PID1: variants seen among roughly 807,000 people sequenced by gnomAD.
PID1 encodes the protein phosphotyrosine interaction domain containing 1.
A neutral mutation model predicts 19.1 loss-of-function variants in PID1; 10 were observed. The ratio of observed to expected loss-of-function variants is 0.52; its 90% CI spans 0.32 to 0.89. The LOEUF is 0.89. PID1 is among the 40% of genes least tolerant of loss of function. The pLI is 0.03. For missense variants in PID1, 248 were observed against 285.3 expected, an observed-to-expected ratio of 0.87 and a Z score of 0.94; for synonymous variants, 130 against 116.0, an observed-to-expected ratio of 1.12 and a Z score of -0.78.
chr2:229,177,524 C>G (rs967831181), intron 1 of PID1, among the ~76,000 whole-genome samples: 1 of 152,112 alleles, frequency 6.6e-6, no homozygotes, highest in Non-Finnish European at 1.5e-5. Flanking sequence ...TTTTCTCCCC[C>G]TCCTTATTTG....
chr2:229,227,796 G>A (rs967255807), intron 1 of PID1, among the ~76,000 whole-genome samples: 7 of 152,126 alleles, frequency 4.6e-5, no homozygotes, highest in Non-Finnish European at 8.8e-5. Context: ...GTACTGAACA[G>A]GTACAGACTT....
chr2:229,229,918 G>A (rs1278695750), intron 1 of PID1, among the ~76,000 whole-genome samples: 1 of 152,164 alleles, frequency 6.6e-6, no homozygotes, highest in Admixed American at 6.5e-5. Context: ...TAGAGCAGAT[G>A]TTTTATTCAA....
intron 1 of PID1, among the ~76,000 whole-genome samples, chr2:229,188,673 A>G (rs1324218131): frequency 6.7e-6 from 1 of 149,734 alleles, no homozygotes; most frequent in Non-Finnish European, 1.5e-5. Context: ...CAGGAGGCGG[A>G]GGTTGCAGTG....
chr2:229,255,411 G>A (rs991305656), intron 1 of PID1, among the ~76,000 whole-genome samples: 1 of 152,214 alleles, frequency 6.6e-6, no homozygotes, highest in African/African-American at 2.4e-5. Context: ...TGTCTGCAAA[G>A]TGCTTTTGAG....
chr2:229,183,036 C>A (rs915049867), intron 1 of PID1, among the ~76,000 whole-genome samples: 2 of 152,136 alleles, frequency 1.3e-5, no homozygotes, highest in Non-Finnish European at 2.9e-5. Flanking sequence ...CTCATGGATG[C>A]GACCTTATTT....
At chr2:229,219,438 CAAG>C (rs889971711) in intron 1 of PID1, among the ~76,000 whole-genome samples, 17 of 152,300 alleles carry the variant, frequency 1.1e-4, no homozygotes, top group Admixed American at 7.8e-4. Flanking sequence ...AGAACAGCAG[CAAG>C]AAGGAAACCG....
intron 1 of PID1, among the ~76,000 whole-genome samples, chr2:229,219,437 G>C (rs995189154): frequency 5.3e-5 from 8 of 152,162 alleles, no homozygotes; most frequent in Admixed American, 2.6e-4. Context: ...GAGAACAGCA[G>C]CAAGAAGGAA....
intron 1 of PID1, among the ~76,000 whole-genome samples, chr2:229,159,564 G>A (rs1574678192): frequency 6.6e-6 from 1 of 152,134 alleles, no homozygotes; most frequent in Non-Finnish European, 1.5e-5. Flanking sequence ...CTCCTTTGCA[G>A]TTTTGGACTT....
chr2:229,068,483 T>C (rs959849197), intron 2 of PID1, among the ~76,000 whole-genome samples: 8 of 152,206 alleles, frequency 5.3e-5, no homozygotes, highest in Non-Finnish European at 1.2e-4. Flanking sequence ...AAGCACACTT[T>C]ACAAAAATTG....
intron 1 of PID1, among the ~76,000 whole-genome samples, chr2:229,222,153 C>T (rs1421097740): frequency 3.3e-5 from 5 of 152,192 alleles, no homozygotes; most frequent in Non-Finnish European, 7.3e-5. Flanking sequence ...TGGCATCAAA[C>T]AATTTTCCTT....
intron 2 of PID1, among the ~76,000 whole-genome samples, chr2:229,141,959 T>A (rs1690021601): frequency 6.6e-6 from 1 of 152,090 alleles, no homozygotes; most frequent in Admixed American, 6.6e-5. Flanking sequence ...GGTTTTTATA[T>A]TCTACTAGCT....
intron 2 of PID1, among the ~76,000 whole-genome samples, chr2:229,105,990 A>G (rs533516537): frequency 6.7e-6 from 1 of 150,372 alleles, no homozygotes; most frequent in East Asian, 2.0e-4. Context: ...GAGGCAGGAG[A>G]ATAGAGTGAA....
intron 2 of PID1, among the ~76,000 whole-genome samples, chr2:229,146,541 G>A (rs954794365): frequency 2.0e-5 from 3 of 152,004 alleles, no homozygotes; most frequent in African/African-American, 7.3e-5. Context: ...GTGTGTGTGT[G>A]TGTGTGTGTG....
chr2:229,206,145 T>C (rs572934073), intron 1 of PID1, among the ~76,000 whole-genome samples: 1 of 152,056 alleles, frequency 6.6e-6, no homozygotes, highest in African/African-American at 2.4e-5. Flanking sequence ...CTTGCCAAGG[T>C]AATTTTTGTT....
At chr2:229,246,294 TA>T (rs1265068788) in intron 1 of PID1, among the ~76,000 whole-genome samples, 3 of 152,162 alleles carry the variant, frequency 2.0e-5, no homozygotes, top group African/African-American at 7.2e-5. Flanking sequence ...TGAAATAACA[TA>T]ACTATGAAAT....
At chr2:229,178,206 G>A (rs1030730508) in intron 1 of PID1, among the ~76,000 whole-genome samples, 1 of 152,082 alleles carries the variant, frequency 6.6e-6, no homozygotes, top group African/African-American at 2.4e-5. Flanking sequence ...TCATACTTGA[G>A]GCGAACATGA....
intron 1 of PID1, among the ~76,000 whole-genome samples, chr2:229,175,902 T>G (rs1316376189): frequency 6.6e-6 from 1 of 152,042 alleles, no homozygotes; most frequent in African/African-American, 2.4e-5. Context: ...CTAGAAAAGG[T>G]TTTTTTACAG....
At chr2:229,083,585 T>A (rs979670785) in intron 2 of PID1, among the ~76,000 whole-genome samples, 2 of 152,180 alleles carry the variant, frequency 1.3e-5, no homozygotes, top group Admixed American at 6.5e-5. Context: ...AACACTTGAT[T>A]CAGAACCACC....
chr2:229,169,905 T>C (rs1690676206), intron 1 of PID1, among the ~76,000 whole-genome samples: 1 of 152,086 alleles, frequency 6.6e-6, no homozygotes, highest in African/African-American at 2.4e-5. Flanking sequence ...CCCAGAGAAG[T>C]GAAGCAACGA....
Sources: allele counts gnomAD v4.1 joint callset (sites outside exome capture counted in the v4.1 genomes callset), GRCh38; gene constraint gnomAD v4.1.1; transcripts MANE v1.5; gene names NCBI Gene and HGNC (gene_info 2026-07-23, HGNC 2026-07-21).